The following CLDN16 variants were observed in gnomAD, a reference collection of about 807,000 sequenced individuals.
The protein encoded by CLDN16 is claudin-16.
In CLDN16, 13 loss-of-function variants were observed where a neutral mutation model predicts 24.6. The ratio of observed to expected loss-of-function variants is 0.53; its 90% CI spans 0.34 to 0.84. CLDN16 has a LOEUF of 0.84. Among genes scored for constraint, CLDN16 ranks in the 40% least tolerant of loss-of-function variants. The probability of loss-of-function intolerance (pLI) is 0.01; values close to 1 mark genes in which losing one functional copy is unlikely to be tolerated. For synonymous variants in CLDN16, 116 were observed against 106.7 expected (o/e 1.09, Z -0.54); for missense variants, 298 against 292.7 (o/e 1.02, Z -0.13).
chr3:190,368,051 G>A (rs1718061097), intron 1 of CLDN16, among the ~76,000 whole-genome samples: 1 of 151,928 alleles, frequency 6.6e-6, no homozygotes, highest in Non-Finnish European at 1.5e-5. Flanking sequence ...ATACCTGGCT[G>A]TGGCAGGCAG....
At chr3:190,324,355 C>T (rs558691926) in intron 1 of CLDN16, among the ~76,000 whole-genome samples, 3 of 152,006 alleles carry the variant, frequency 2.0e-5, no homozygotes, top group South Asian at 2.1e-4. Context: ...TGGTGGTGGG[C>T]GCCTGTAATT....
chr3:190,355,749 C>T (rs1028586419), intron 1 of CLDN16, among the ~76,000 whole-genome samples: 2 of 151,604 alleles, frequency 1.3e-5, no homozygotes, highest in Admixed American at 6.6e-5. Flanking sequence ...TAGTGGTATG[C>T]ACATAGCCAA....
At chr3:190,304,814 T>G in the CLDN16 span, among the ~76,000 whole-genome samples, 1 of 152,110 alleles carries the variant, frequency 6.6e-6, no homozygotes, top group Non-Finnish European at 1.5e-5. Flanking sequence ...GGTGGGAATA[T>G]GGGGACAAAG....
At chr3:190,298,421 G>A in the CLDN16 span, among the ~76,000 whole-genome samples, 5 of 148,264 alleles carry the variant, frequency 3.4e-5, no homozygotes, top group Admixed American at 1.3e-4. Context: ...AGTTAAAAAT[G>A]ATATTACGTG....
intron 3 of CLDN16, among the ~76,000 whole-genome samples, chr3:190,405,964 C>A (rs1719086598): frequency 6.6e-6 from 1 of 152,096 alleles, no homozygotes; most frequent in Non-Finnish European, 1.5e-5. Flanking sequence ...GCTAACAAAG[C>A]GAATATAAGT....
chr3:190,377,734 C>A (rs918274627), intron 3 of CLDN16, among the ~76,000 whole-genome samples: 1 of 151,904 alleles, frequency 6.6e-6, no homozygotes, highest in African/African-American at 2.4e-5. Context: ...GTAAATTCTG[C>A]GAGTGATAAG....
the CLDN16 span, chr3:190,308,340 G>C: frequency 6.2e-7 from 1 of 1,613,862 alleles, no homozygotes. Flanking sequence ...TTGGGTAAGA[G>C]GTTGTTTTTC....
intron 1 of CLDN16, among the ~76,000 whole-genome samples, chr3:190,348,075 C>T (rs1183162892): frequency 7.3e-6 from 1 of 137,344 alleles, no homozygotes; most frequent in African/African-American, 2.9e-5. Flanking sequence ...AACCCCGTCT[C>T]TACTGAAAAT....
chr3:190,310,269 A>G, the CLDN16 span: 1 of 1,596,690 alleles, frequency 6.3e-7, no homozygotes, highest in Non-Finnish European at 8.6e-7. Flanking sequence ...GAAATTCAAA[A>G]CAAAAGACTG....
chr3:190,399,965 T>C (rs1178550982), intron 1 of CLDN16, among the ~76,000 whole-genome samples: 2 of 152,148 alleles, frequency 1.3e-5, no homozygotes, highest in African/African-American at 2.4e-5. Context: ...AGTTGCATGC[T>C]CCTTACAAGC....
chr3:190,351,783 C>CA (rs1224954259), intron 1 of CLDN16, among the ~76,000 whole-genome samples: 12 of 151,836 alleles, frequency 7.9e-5, no homozygotes, highest in African/African-American at 2.9e-4. Context: ...ATATTGCAGT[C>CA]AAAAAATCAC....
chr3:190,386,893 T>C (rs1207183039), upstream of CLDN16, among the ~76,000 whole-genome samples: 2 of 152,212 alleles, frequency 1.3e-5, no homozygotes, highest in Non-Finnish European at 2.9e-5. Context: ...TGAAAAATGG[T>C]TTATCAATAC....
At position 190,322,608 on chromosome 3, in the gene CLDN16, C is replaced by T. The variant is rs17501976; in HGVS notation, n.68C>T. On this transcript the variant is annotated non_coding_transcript_exon_variant, in exon 1 of 5. Transcript: ENST00000468220. Reference sequence around the variant, plus strand: ...CGGCGTGGGGACCACCCGGCAGGACCAGGCACCAGAGCTGCGTCCCTGCTC... The same window carrying T: ...CGGCGTGGGGACCACCCGGCAGGACTAGGCACCAGAGCTGCGTCCCTGCTC... The T allele has an allele frequency of 0.49, 143,739 of 292,708 alleles. 36,197 individuals are homozygous for T. Among genetic ancestry groups the T allele is most frequent in the East Asian group, 0.71 (6,895 of 9,692 alleles). 18.1% of individuals were successfully genotyped at this position (292,708 alleles called of 1,614,324 possible). A position where few individuals can be genotyped will look rare whatever the true frequency, so the allele number is the denominator to read the frequency against.
At chr3:190,396,720 A>G (rs1023007801) in intron 1 of CLDN16, among the ~76,000 whole-genome samples, 1 of 152,210 alleles carries the variant, frequency 6.6e-6, no homozygotes, top group Non-Finnish European at 1.5e-5. Flanking sequence ...AAATGCTATA[A>G]TAATATGGAC....
At chr3:190,334,253 T>A (rs1717248410) in intron 1 of CLDN16, among the ~76,000 whole-genome samples, 1 of 152,236 alleles carries the variant, frequency 6.6e-6, no homozygotes, top group Non-Finnish European at 1.5e-5. Context: ...TGTAGTGGGC[T>A]AGCAGAAGGA....
chr3:190,406,739 C>CA (rs756880895), intron 3 of CLDN16, among the ~76,000 whole-genome samples: 2 of 107,424 alleles, frequency 1.9e-5, no homozygotes, highest in Non-Finnish European at 3.7e-5. Context: ...TATTATCTGG[C>CA]TTTTTTTTTT....
At chr3:190,322,368 G>C (rs149860750), upstream of CLDN16, 10 of 694,280 alleles carry the variant, frequency 1.4e-5, no homozygotes, top group Non-Finnish European at 2.2e-5. Flanking sequence ...TCTGGGTCGG[G>C]GTTGGGGTCC....
rs1719253479 is a variant in CLDN16 at position 190,410,629 on chromosome 3, C to CA, written c.*594dup. 6.5e-6 allele frequency: 1 copy of CA among 152,740 alleles called. No homozygotes were observed. The highest frequency in any genetic ancestry group is 2.4e-5 in the African/African-American group (1 of 41,404). 9.5% of individuals were successfully genotyped at this position (152,740 alleles called of 1,614,324 possible). On this transcript the variant is annotated 3_prime_UTR_variant, in exon 5 of 5. Transcript: ENST00000264734. ...GAGTTAAAGACAAGAGCTGCCCCCC[C>CA]ACCCCCAAATGTCAAAGGCAAATGC...
chr3:190,400,141 C>A (rs1458768018), intron 1 of CLDN16, among the ~76,000 whole-genome samples: 2 of 152,112 alleles, frequency 1.3e-5, no homozygotes, highest in South Asian at 4.1e-4. Flanking sequence ...TCTTATCTAG[C>A]TGCAATTTTG....
Sources: allele counts gnomAD v4.1 joint callset (sites outside exome capture counted in the v4.1 genomes callset), GRCh38; gene constraint gnomAD v4.1.1; transcripts MANE v1.5; gene names NCBI Gene and HGNC (gene_info 2026-07-23, HGNC 2026-07-21).